Variants in MAP2 observed in about 807,000 individuals in gnomAD.
MAP2 encodes the protein microtubule associated protein 2, also known as microtubule-associated protein 2.
Under a neutral mutation model 137.6 loss-of-function variants are expected in MAP2, and 14 were observed. The observed-to-expected ratio is 0.10, with a 90% confidence interval of 0.07 to 0.16. The LOEUF (loss-of-function observed/expected upper bound fraction) is 0.16, where lower values mean the gene tolerates loss of function less well. MAP2 is among the 10% of genes least tolerant of loss of function. The pLI is 1.00. For missense variants in MAP2, 2,088 were observed against 2,191.5 expected (o/e 0.95, Z 0.94); for synonymous variants, 786 against 782.3 (o/e 1.00, Z -0.08).
chr2:209,438,481 C>G (rs1374648489), intron 1 of MAP2, among the ~76,000 whole-genome samples: 1 of 151,624 alleles, frequency 6.6e-6, no homozygotes, highest in Non-Finnish European at 1.5e-5. Flanking sequence ...GTGTAAATAA[C>G]TCCACCGATT....
chr2:209,459,673 A>G (rs182441156), intron 1 of MAP2, among the ~76,000 whole-genome samples: 3 of 152,294 alleles, frequency 2.0e-5, no homozygotes, highest in East Asian at 1.9e-4. Flanking sequence ...GTGCTTTTCT[A>G]CTGCCTTAGA....
chr2:209,460,397 A>G lies in MAP2; in HGVS notation c.-222+36121A>G, dbSNP rs143362563. Among the ~76,000 whole-genome samples the G allele has an allele frequency of 2.0e-5, 3 of 152,300 alleles. No homozygotes were observed. The East Asian group carries it at 5.8e-4, about 29-fold the overall frequency. On this transcript the variant is annotated intron_variant, in intron 1 of 15. Transcript: ENST00000682079. ...TTTGGGACGTGGATATTGGTTTCATAAGGTAGACACTGGCCCTAGAAAATC... is the reference window on the plus strand; with the variant it reads ...TTTGGGACGTGGATATTGGTTTCATGAGGTAGACACTGGCCCTAGAAAATC...
chr2:209,636,714 C>T (rs1581568141), intron 4 of MAP2, among the ~76,000 whole-genome samples: 3 of 151,944 alleles, frequency 2.0e-5, no homozygotes, highest in East Asian at 1.9e-4. Flanking sequence ...TTGACTGAAA[C>T]ATGAGGACAG....
chr2:209,600,161 A>G (rs1447056207), intron 3 of MAP2, among the ~76,000 whole-genome samples: 3 of 151,824 alleles, frequency 2.0e-5, no homozygotes, highest in Admixed American at 1.3e-4. Flanking sequence ...TACCCATTTC[A>G]CTCTTACCCA....
intron 10 of MAP2, among the ~76,000 whole-genome samples, chr2:209,697,805 C>G (rs1302700374): frequency 2.0e-5 from 3 of 152,092 alleles, no homozygotes; most frequent in Non-Finnish European, 4.4e-5. Flanking sequence ...TTAGGAGGAA[C>G]TTCAGTTAGA....
At chr2:209,482,539 G>C (rs1361473083) in intron 1 of MAP2, among the ~76,000 whole-genome samples, 1 of 152,136 alleles carries the variant, frequency 6.6e-6, no homozygotes, top group Non-Finnish European at 1.5e-5. Flanking sequence ...GTTGGTCATA[G>C]GAAGTGAGCA....
In MAP2 at chr2:209,541,627, T is replaced by A. The variant is rs887505084; in HGVS notation, c.-172+33986T>A. ...CATCAACTTAGTTTATGTAATATTC[T>A]AAATCCTTTGTTGTTATCTTGACAA... On this transcript the variant is annotated intron_variant, in intron 2 of 15. Coordinates refer to ENST00000682079, the MANE Select transcript of MAP2 (RefSeq NM_001375505.1). Among the ~76,000 whole-genome samples, 6 of 144,472 alleles carry A rather than the reference T, an allele frequency of 4.2e-5. No homozygotes were observed. The South Asian group carries it at 8.3e-4, about 20-fold the overall frequency. 94.8% of individuals were successfully genotyped at this position (144,472 alleles called of 152,430 possible).
At chr2:209,479,859 C>G (rs534707326) in intron 1 of MAP2, among the ~76,000 whole-genome samples, 1 of 152,124 alleles carries the variant, frequency 6.6e-6, no homozygotes, top group African/African-American at 2.4e-5. Context: ...CCGAACATTT[C>G]AACTGTTTTC....
chr2:209,721,169 G>A (rs1207338228), intron 13 of MAP2, among the ~76,000 whole-genome samples: 1 of 152,170 alleles, frequency 6.6e-6, no homozygotes, highest in Non-Finnish European at 1.5e-5. Flanking sequence ...TCAGGTGCAA[G>A]TTGTCAAGCT....
intron 1 of MAP2, among the ~76,000 whole-genome samples, chr2:209,490,430 C>T (rs944590277): frequency 3.3e-5 from 5 of 151,406 alleles, no homozygotes; most frequent in African/African-American, 4.8e-5. Flanking sequence ...TGTAACAATA[C>T]GAACCTTAAG....
chr2:209,693,785 A>G lies in MAP2; in HGVS notation c.1615A>G (p.Met539Val), dbSNP rs1244218520. The G allele has an allele frequency of 6.2e-7, 1 of 1,613,872 alleles. No individual in the cohort carries two copies. Among genetic ancestry groups the G allele is most frequent in the Non-Finnish European group, 8.5e-7 (1 of 1,179,984 alleles). ...GAGCTCAATTCAGGAACTTTTTGAA[A>G]TGAGAGTTGATGACAAAGATAAGAT... Reference protein sequence around the residue: ...EKSSIQELFEMRVDDKDKIEG... With the variant: ...EKSSIQELFEVRVDDKDKIEG... Residue 539 changes from methionine to valine, a missense_variant, in exon 8 of 16, where the codon ATG becomes GTG. Around this residue, in one of 6 missense-constraint regions of MAP2, gnomAD observed 859 missense variants for 794.5 expected, o/e 1.08. Transcript: ENST00000682079.
intron 1 of MAP2, among the ~76,000 whole-genome samples, chr2:209,441,783 G>T (rs542332334): frequency 6.6e-6 from 1 of 151,536 alleles, no homozygotes; most frequent in South Asian, 2.1e-4. Context: ...CGAGGAACAG[G>T]CCTTCAGTTC....
intron 1 of MAP2, among the ~76,000 whole-genome samples, chr2:209,465,219 TTATTTA>T (rs1180211139): frequency 6.6e-6 from 1 of 152,102 alleles, no homozygotes; most frequent in Admixed American, 6.6e-5. Context: ...AGAGATTATT[TTATTTA>T]GGAAAATAAT....
At chr2:209,679,132 G>A (rs2153684972) in intron 6 of MAP2, among the ~76,000 whole-genome samples, 2 of 152,130 alleles carry the variant, frequency 1.3e-5, no homozygotes, top group Middle Eastern at 6.8e-3. Flanking sequence ...TATAGCCAGA[G>A]CTTTGTTATA....
chr2:209,515,802 G>T (rs187462439), intron 2 of MAP2, among the ~76,000 whole-genome samples: 1 of 152,010 alleles, frequency 6.6e-6, no homozygotes, highest in Non-Finnish European at 1.5e-5. Flanking sequence ...ATTTATTTAT[G>T]TAGAGACAGA....
Position 209,709,982 on chromosome 2 carries a change from A to G in MAP2, c.4801A>G (p.Ile1601Val). ...STPTTPGSTA[I>V]TPGTPPSYSS... is the part of the protein sequence containing the mutation. ...ACCCACTACCCCTGGGTCTACTGCC[A>G]TCACTCCTGGCACCCCACCAAGTTA... The change falls in exon 13 of 16, where the codon ATC becomes GTC. Residue 1601 changes from isoleucine to valine, a missense_variant. Physicochemically the swap from Ile to Val is conservative, Grantham distance 29 (BLOSUM62 3). Transcript: ENST00000682079. 3 of 1,613,980 alleles carry G rather than the reference A, an allele frequency of 1.9e-6. No individual in the cohort carries two copies. The highest frequency in any genetic ancestry group is 1.1e-5 in the South Asian group (1 of 91,068).
chr2:209,455,067 A>G (rs1360527613), intron 1 of MAP2, among the ~76,000 whole-genome samples: 1 of 152,152 alleles, frequency 6.6e-6, no homozygotes, highest in Non-Finnish European at 1.5e-5. Flanking sequence ...CACTAATCAC[A>G]TCATGAGGAC....
At chr2:209,645,501 G>A (rs1006627822) in intron 4 of MAP2, among the ~76,000 whole-genome samples, 3 of 151,704 alleles carry the variant, frequency 2.0e-5, no homozygotes, top group Admixed American at 6.6e-5. Context: ...AGATTTTTCT[G>A]CTACAGTCTG....
rs143781991 is a variant in MAP2, at chr2:209,695,480, A to G, written c.3310A>G (p.Lys1104Glu). The stretch of plus-strand genomic sequence containing the variant: ...GTCTGGCCACATGAAAGAAGGCACT[A>G]AAGTTAGTGAGACAGAAGTCAAAGA... ...VESGHMKEGT[K>E]VSETEVKEKV... The change falls in exon 8 of 16, where the codon AAA becomes GAA. Residue 1104 changes from lysine to glutamate, a missense_variant. Physicochemically the swap from Lys to Glu is moderately conservative, Grantham distance 56. Transcript: ENST00000682079. The G allele has an allele frequency of 6.2e-7, 1 of 1,614,126 alleles. No individual in the cohort carries two copies. The highest frequency in any genetic ancestry group is 8.5e-7 in the Non-Finnish European group (1 of 1,180,014).
Sources: allele counts gnomAD v4.1 joint callset (sites outside exome capture counted in the v4.1 genomes callset), GRCh38; gene constraint gnomAD v4.1.1; regional missense constraint gnomAD v4.1.1; transcripts MANE v1.5; gene names NCBI Gene and HGNC (gene_info 2026-07-23, HGNC 2026-07-21).